CREM: variants seen among roughly 807,000 people sequenced by gnomAD.
CREM encodes cAMP responsive element modulator.
In CREM, 13 loss-of-function variants were observed where a neutral mutation model predicts 37.3. That is an observed-to-expected ratio of 0.35 (90% CI 0.23 to 0.55). The LOEUF (loss-of-function observed/expected upper bound fraction) is 0.55. Among genes scored for constraint, CREM ranks in the 20% least tolerant of loss-of-function variants. The pLI is 0.88. For missense variants in CREM, 296 were observed against 362.3 expected, an observed-to-expected ratio of 0.82 and a Z score of 1.49; for synonymous variants, 124 against 120.2, an observed-to-expected ratio of 1.03 and a Z score of -0.21.
At chr10:35,194,745 T>G (rs1359847270) in intron 6 of CREM, among the ~76,000 whole-genome samples, 1 of 150,852 alleles carries the variant, frequency 6.6e-6, no homozygotes, top group Non-Finnish European at 1.5e-5. Flanking sequence ...CAATGTGTTT[T>G]TTTTTTTTTT....
intron 2 of CREM, among the ~76,000 whole-genome samples, chr10:35,147,455 A>G (rs2092258884): frequency 6.6e-6 from 1 of 152,176 alleles, no homozygotes; most frequent in African/African-American, 2.4e-5. Flanking sequence ...CCATATAGAA[A>G]TCACTAACTT....
At chr10:35,205,205 A>G (rs1394801778) in intron 6 of CREM, among the ~76,000 whole-genome samples, 2 of 152,216 alleles carry the variant, frequency 1.3e-5, no homozygotes, top group African/African-American at 4.8e-5. Context: ...GCAGTAGACA[A>G]ATTTTGAATA....
intron 7 of CREM, among the ~76,000 whole-genome samples, chr10:35,208,040 T>A (rs995437781): frequency 3.9e-5 from 6 of 152,236 alleles, no homozygotes; most frequent in Non-Finnish European, 8.8e-5. Flanking sequence ...AAGTAGGTGA[T>A]AAGTCGAATT....
chr10:35,211,755 G>A lies in CREM; in HGVS notation c.*357G>A. 1.9e-6 allele frequency: 3 copies of A among 1,613,574 alleles called. No homozygotes were observed. The highest frequency in any genetic ancestry group is 2.5e-6 in the Non-Finnish European group (3 of 1,179,808). ...AAGTCCAGAACAAGAAGCTTATAGA[G>A]GAACTTGAAACCTTGAAAGACATTT... is the stretch of plus-strand genomic sequence containing the variant. On this transcript the variant is annotated 3_prime_UTR_variant, in exon 8 of 8. Coordinates refer to ENST00000685392, the MANE Select transcript of CREM (RefSeq NM_183011.2).
intron 3 of CREM, among the ~76,000 whole-genome samples, chr10:35,176,555 C>T (rs2094098426): frequency 6.6e-6 from 1 of 151,794 alleles, no homozygotes; most frequent in Non-Finnish European, 1.5e-5. Flanking sequence ...CTACAGGCGC[C>T]CGCCACCATG....
intron 6 of CREM, among the ~76,000 whole-genome samples, chr10:35,194,424 G>T (rs1024214761): frequency 6.6e-6 from 1 of 152,150 alleles, no homozygotes. Context: ...GTATTAGATT[G>T]AATCACATGA....
intron 6 of CREM, among the ~76,000 whole-genome samples, chr10:35,190,587 C>T (rs1299604888): frequency 6.6e-6 from 1 of 152,092 alleles, no homozygotes; most frequent in Admixed American, 6.6e-5. Flanking sequence ...ATTATTCTTT[C>T]ATATGCATTT....
At chr10:35,147,845 A>G (rs1053370321) in intron 2 of CREM, among the ~76,000 whole-genome samples, 2 of 152,224 alleles carry the variant, frequency 1.3e-5, no homozygotes, top group African/African-American at 2.4e-5. Flanking sequence ...GTTCATATTC[A>G]GTGAGCAGAA....
At chr10:35,166,542 G>A (rs914737334) in intron 3 of CREM, among the ~76,000 whole-genome samples, 1 of 149,198 alleles carries the variant, frequency 6.7e-6, no homozygotes, top group African/African-American at 2.5e-5. Flanking sequence ...TCCAGCCTGG[G>A]CGACAGAACA....
intron 3 of CREM, chr10:35,167,627 A>G: frequency 8.8e-7 from 1 of 1,135,708 alleles, no homozygotes; most frequent in Non-Finnish European, 1.3e-6. Flanking sequence ...TGTCACTATT[A>G]GGGTTTTTTT....
At position 35,212,468 on chromosome 10, in the gene CREM, T is replaced by C. The variant is rs763502211; in HGVS notation, c.*1070T>C. 6.5e-5 allele frequency: 10 copies of C among 152,810 alleles called. No individual in the cohort carries two copies. Among genetic ancestry groups the C allele is most frequent in the Non-Finnish European group, 1.2e-4 (8 of 68,042 alleles). 9.5% of individuals were successfully genotyped at this position (152,810 alleles called of 1,614,324 possible). ...GTAATATAAAAGATCTTGCAGAAGT[T>C]CTTAGTGTTGGTTTAATATTACCTA... On this transcript the variant is annotated 3_prime_UTR_variant, in exon 8 of 8. Transcript: ENST00000685392.
In CREM at chr10:35,138,732, A is replaced by T. The variant is rs550072918; in HGVS notation, c.44+853A>T. ...TTAAAACAATTTATTACTAAAAAAA[A>T]TTTTTTTTAGGCCGGGTGCAGTGGC... On this transcript the variant is annotated intron_variant, in intron 2 of 7. Coordinates refer to ENST00000685392, the MANE Select transcript of CREM (RefSeq NM_183011.2). Among the ~76,000 whole-genome samples, 7 of 151,414 alleles carry T rather than the reference A, an allele frequency of 4.6e-5. No homozygotes were observed. In the East Asian group the frequency reaches 1.4e-3, roughly 29 times the overall value.
intron 1 of CREM, among the ~76,000 whole-genome samples, chr10:35,132,201 C>CAA (rs374078423): frequency 9.6e-4 from 47 of 49,084 alleles, no homozygotes; most frequent in African/African-American, 1.8e-3. Flanking sequence ...ACTTGAGTCT[C>CAA]AAAAAAAAAA....
intron 5 of CREM, among the ~76,000 whole-genome samples, chr10:35,184,732 C>T (rs2094481778): frequency 6.6e-6 from 1 of 151,842 alleles, no homozygotes; most frequent in South Asian, 2.1e-4. Context: ...ATTGTGAAAA[C>T]AAAGTTTTTT....
chr10:35,167,630 GT>G (rs894296556), intron 3 of CREM: 148 of 1,229,578 alleles, frequency 1.2e-4, no homozygotes, highest in Non-Finnish European at 1.4e-4. Flanking sequence ...CACTATTAGG[GT>G]TTTTTTTAAT....
At chr10:35,188,660 T>C (rs1374493372) in intron 6 of CREM, among the ~76,000 whole-genome samples, 3 of 60,336 alleles carry the variant, frequency 5.0e-5, no homozygotes, top group African/African-American at 1.9e-4. Flanking sequence ...CATGAATGAA[T>C]TTTTTTTTTT....
At chr10:35,150,815 T>C (rs1040655367) in intron 3 of CREM, among the ~76,000 whole-genome samples, 3 of 151,484 alleles carry the variant, frequency 2.0e-5, no homozygotes, top group African/African-American at 7.3e-5. Flanking sequence ...AGTGAGACCC[T>C]GTCTCAAAAA....
At chr10:35,179,422 G>A (rs1432546981) in intron 5 of CREM, 146 bp downstream of exon 5, 12 of 932,634 alleles carry the variant, frequency 1.3e-5, no homozygotes, top group African/African-American at 3.4e-5. Flanking sequence ...GAAAGTATAT[G>A]TTAAAAAGTG....
intron 3 of CREM, chr10:35,175,607 C>A: frequency 6.6e-7 from 1 of 1,506,332 alleles, no homozygotes; most frequent in Non-Finnish European, 9.2e-7. Context: ...CATTCTTAGC[C>A]ACCGAAGTAT....
Sources: allele counts gnomAD v4.1 joint callset (sites outside exome capture counted in the v4.1 genomes callset), GRCh38; gene constraint gnomAD v4.1.1; transcripts MANE v1.5; gene names NCBI Gene and HGNC (gene_info 2026-07-23, HGNC 2026-07-21).